The following XRCC4 variants were observed in gnomAD, a reference collection of about 807,000 sequenced individuals.
XRCC4 encodes the protein DNA repair protein XRCC4.
XRCC4 carries 28 observed loss-of-function variants against 39.1 expected under a neutral mutation model. That is an observed-to-expected ratio of 0.72 (90% CI 0.53 to 0.98). The LOEUF (loss-of-function observed/expected upper bound fraction) is 0.98, where lower values mean the gene tolerates loss of function less well. Ranked by LOEUF, XRCC4 falls within the 50% of genes least tolerant of loss-of-function variation. The pLI, the probability that XRCC4 is intolerant of heterozygous loss-of-function variation, is 0.00. For synonymous variants in XRCC4, 123 were observed against 126.4 expected, an observed-to-expected ratio of 0.97 and a Z score of 0.18; for missense variants, 350 against 376.4, an observed-to-expected ratio of 0.93 and a Z score of 0.58.
chr5:83,236,392 A>G (rs1380967543), intron 6 of XRCC4, among the ~76,000 whole-genome samples: 1 of 152,156 alleles, frequency 6.6e-6, no homozygotes, highest in African/African-American at 2.4e-5. Context: ...GGAACAGAAT[A>G]GAGAACCCTC....
At chr5:83,099,975 A>G (rs1745853054) in intron 1 of XRCC4, among the ~76,000 whole-genome samples, 1 of 152,148 alleles carries the variant, frequency 6.6e-6, no homozygotes, top group South Asian at 2.1e-4. Context: ...TCCATGGGTG[A>G]TTCTTACTAG....
chr5:83,079,493 A>G (rs1744836594), intron 1 of XRCC4, among the ~76,000 whole-genome samples: 2 of 152,178 alleles, frequency 1.3e-5, no homozygotes, highest in Admixed American at 6.5e-5. Flanking sequence ...TACTAGAAAT[A>G]AAATCTGTCT....
chr5:83,243,420 CCTT>C (rs1221245403), intron 6 of XRCC4, among the ~76,000 whole-genome samples: 1 of 152,170 alleles, frequency 6.6e-6, no homozygotes, highest in African/African-American at 2.4e-5. Context: ...CACATGGCTA[CCTT>C]CTTCTCTGTA....
At position 83,263,357 on chromosome 5, in the gene XRCC4, C is replaced by A. The variant is rs919353626; in HGVS notation, c.893+4680C>A. Among the ~76,000 whole-genome samples, 625 of 151,856 alleles carry A rather than the reference C, an allele frequency of 4.1e-3. 1 individual carries two copies. Among genetic ancestry groups the A allele is most frequent in the Middle Eastern group, 6.8e-3 (2 of 294 alleles). The stretch of plus-strand genomic sequence containing the variant: ...TGATTTATAGTCCTTTGGGTATATA[C>A]CCAGTAATGGGATGGCTGGGTCAAA... On this transcript the variant is annotated intron_variant, in intron 7 of 7. Transcript: ENST00000396027.
intron 6 of XRCC4, among the ~76,000 whole-genome samples, chr5:83,219,130 T>G (rs1005645777): frequency 6.6e-6 from 1 of 152,150 alleles, no homozygotes; most frequent in Non-Finnish European, 1.5e-5. Context: ...TTCTTCCTTC[T>G]ATACCTATCT....
intron 1 of XRCC4, among the ~76,000 whole-genome samples, chr5:83,084,646 G>A (rs1247237448): frequency 6.6e-6 from 1 of 152,114 alleles, no homozygotes; most frequent in Non-Finnish European, 1.5e-5. Flanking sequence ...TTTTCTTTCA[G>A]CAGTACCGAA....
intron 3 of XRCC4, among the ~76,000 whole-genome samples, chr5:83,172,494 G>A (rs534120357): frequency 3.3e-5 from 5 of 152,062 alleles, no homozygotes; most frequent in African/African-American, 4.8e-5. Flanking sequence ...ATGTAAATGG[G>A]ATTATTAAAC....
chr5:83,083,651 C>T (rs937003199), intron 1 of XRCC4, among the ~76,000 whole-genome samples: 4 of 150,674 alleles, frequency 2.7e-5, no homozygotes, highest in Non-Finnish European at 4.5e-5. Flanking sequence ...GCTGGGATTA[C>T]AGGCATGAAG....
intron 7 of XRCC4, among the ~76,000 whole-genome samples, chr5:83,327,421 T>C (rs1488084697): frequency 6.6e-6 from 1 of 152,058 alleles, no homozygotes; most frequent in African/African-American, 2.4e-5. Flanking sequence ...TACCACAGTT[T>C]GTTCATCTAT....
At chr5:83,264,450 TA>T (rs1210291110) in intron 7 of XRCC4, among the ~76,000 whole-genome samples, 1 of 152,168 alleles carries the variant, frequency 6.6e-6, no homozygotes, top group Non-Finnish European at 1.5e-5. Context: ...TTATAAAAAT[TA>T]AAACAGTGAG....
At chr5:83,163,833 A>G (rs1749333738) in intron 3 of XRCC4, among the ~76,000 whole-genome samples, 2 of 152,218 alleles carry the variant, frequency 1.3e-5, no homozygotes, top group Admixed American at 6.5e-5. Context: ...AGACAATTTT[A>G]GGGAATACTG....
At chr5:83,256,685 C>A (rs1753554556) in intron 6 of XRCC4, among the ~76,000 whole-genome samples, 1 of 151,334 alleles carries the variant, frequency 6.6e-6, no homozygotes, top group South Asian at 2.1e-4. Context: ...ATCTATTCCC[C>A]ATACATTTTT....
the XRCC4 span, among the ~76,000 whole-genome samples, chr5:83,362,868 C>T: frequency 6.6e-6 from 1 of 152,300 alleles, no homozygotes; most frequent in Non-Finnish European, 1.5e-5. Context: ...TGAGGTTATA[C>T]ACAAAGTTAC....
chr5:83,276,710 A>G (rs1754347962), intron 7 of XRCC4, among the ~76,000 whole-genome samples: 3 of 152,094 alleles, frequency 2.0e-5, no homozygotes, highest in African/African-American at 7.2e-5. Context: ...CCTATTTAAT[A>G]TACCTAACCT....
chr5:83,145,792 T>C (rs1219189921), intron 3 of XRCC4, among the ~76,000 whole-genome samples: 1 of 152,186 alleles, frequency 6.6e-6, no homozygotes, highest in Non-Finnish European at 1.5e-5. Flanking sequence ...GGGAATCTTA[T>C]TCAGTGTTAT....
intron 7 of XRCC4, among the ~76,000 whole-genome samples, chr5:83,283,812 A>G (rs147965260): frequency 3.9e-5 from 6 of 152,160 alleles, no homozygotes; most frequent in African/African-American, 1.2e-4. Context: ...TTATCTTACT[A>G]TGATCACATT....
intron 3 of XRCC4, among the ~76,000 whole-genome samples, chr5:83,160,907 ATAT>A (rs1749174881): frequency 1.3e-5 from 2 of 152,018 alleles, no homozygotes; most frequent in East Asian, 3.9e-4. Context: ...TGGTCATATA[ATAT>A]TCTAAATTTG....
At chr5:83,194,628 TCA>T (rs1223014434) in intron 3 of XRCC4, among the ~76,000 whole-genome samples, 1 of 152,176 alleles carries the variant, frequency 6.6e-6, no homozygotes, top group Non-Finnish European at 1.5e-5. Flanking sequence ...TAATAGAAAT[TCA>T]CAATCTAGGA....
chr5:83,363,473 C>T, the XRCC4 span, among the ~76,000 whole-genome samples: 1 of 152,276 alleles, frequency 6.6e-6, no homozygotes, highest in Non-Finnish European at 1.5e-5. Flanking sequence ...TTGAAGGTAA[C>T]GTGAAGGCAC....
Sources: allele counts gnomAD v4.1 joint callset (sites outside exome capture counted in the v4.1 genomes callset), GRCh38; gene constraint gnomAD v4.1.1; transcripts MANE v1.5; gene names NCBI Gene and HGNC (gene_info 2026-07-23, HGNC 2026-07-21).